Variants in PTPRF observed in about 807,000 individuals in gnomAD.
The protein encoded by PTPRF is protein tyrosine phosphatase receptor type F.
Under a neutral mutation model 201.8 loss-of-function variants are expected in PTPRF, and 59 were observed. The ratio of observed to expected loss-of-function variants is 0.29; its 90% CI spans 0.24 to 0.36. The LOEUF (loss-of-function observed/expected upper bound fraction) is 0.36. Among genes scored for constraint, PTPRF ranks in the 10% least tolerant of loss-of-function variants. The pLI is 1.00. For synonymous variants in PTPRF, 1,088 were observed against 1,089.7 expected, an observed-to-expected ratio of 1.00 and a Z score of 0.03; for missense variants, 2,132 against 2,690.5, an observed-to-expected ratio of 0.79 and a Z score of 4.59.
chr1:43,588,053 C>T lies in PTPRF; in HGVS notation c.680-678C>T, dbSNP rs965107142. Among the ~76,000 whole-genome samples the T allele has an allele frequency of 3.3e-5, 5 of 152,208 alleles. No homozygotes were observed. Among genetic ancestry groups the T allele is most frequent in the East Asian group, 1.9e-4 (1 of 5,196 alleles). ...CTGCCATCGTCATGCCCATCCTGCCCGCAGACCATGTCCCTGGCCTGCCCT... is the reference window on the plus strand; with the variant it reads ...CTGCCATCGTCATGCCCATCCTGCCTGCAGACCATGTCCCTGGCCTGCCCT... On this transcript the variant is annotated intron_variant, in intron 7 of 33. Coordinates refer to ENST00000359947, the MANE Select transcript of PTPRF (RefSeq NM_002840.5). The surrounding 1 kb of genome is among the most constrained non-coding windows in gnomAD (Gnocchi z 5.3).
Position 43,569,750 on chromosome 1 carries a change from C to T in PTPRF, c.540C>T (p.Ser180=), listed in dbSNP as rs1461087535. ...TCCTTCCTGTAGACCCTGCCACGAG[C>T]AACGGCCGCATCAAGCAGCTGCGTT... ...KDFLPVDPAT[S]NGRIKQLRSG... is the part of the protein sequence containing the mutation. The change falls in exon 6 of 34, where the codon AGC becomes AGT. Residue 180 remains serine, a synonymous_variant. Transcript: ENST00000359947. 1 of 1,612,732 alleles carries T rather than the reference C, an allele frequency of 6.2e-7. No individual in the cohort carries two copies. Among genetic ancestry groups the T allele is most frequent in the East Asian group, 2.2e-5 (1 of 44,868 alleles).
rs12078201 is a variant in PTPRF, at chr1:43,562,256, G to A, written c.380-7334G>A. On this transcript the variant is annotated intron_variant, in intron 5 of 33. Transcript: ENST00000359947. ...TCCGAGCAGCTGGGACTACAGGCAC[G>A]CGCCACCACACCTGACTAATTTTTT... Among the ~76,000 whole-genome samples, 1,379 of 152,078 alleles carry A rather than the reference G, an allele frequency of 9.1e-3. 19 individuals carry two copies. The highest frequency in any genetic ancestry group is 0.031 in the African/African-American group (1,268 of 41,470).
At chr1:43,585,076 T>C (rs10789437) in intron 7 of PTPRF, among the ~76,000 whole-genome samples, 1 of 152,116 alleles carries the variant, frequency 6.6e-6, no homozygotes, top group Non-Finnish European at 1.5e-5. Flanking sequence ...AACGGTAATA[T>C]ACTGGCATTG....
At chr1:43,567,969 A>G (rs540716366) in intron 5 of PTPRF, among the ~76,000 whole-genome samples, 90 of 152,224 alleles carry the variant, frequency 5.9e-4, no homozygotes, top group African/African-American at 2.0e-3. Context: ...TGGCATCCAC[A>G]CTGGGAGAGA....
At chr1:43,530,195 G>A (rs1643319199), upstream of PTPRF, among the ~76,000 whole-genome samples, 3 of 152,068 alleles carry the variant, frequency 2.0e-5, no homozygotes, top group Non-Finnish European at 4.4e-5. This position sits in a 1 kb window ranked among gnomAD's most constrained non-coding sequence, Gnocchi z 4.1. Flanking sequence ...CTCTGGAATT[G>A]AGAATCGAAT....
At chr1:43,612,591 C>T (rs1656709882) in intron 22 of PTPRF, among the ~76,000 whole-genome samples, 1 of 152,108 alleles carries the variant, frequency 6.6e-6, no homozygotes, top group African/African-American at 2.4e-5. Flanking sequence ...GGAGCCTTGA[C>T]GGAACTTGTC....
At chr1:43,548,844 T>C (rs1394751762) in intron 3 of PTPRF, among the ~76,000 whole-genome samples, 2 of 152,230 alleles carry the variant, frequency 1.3e-5, no homozygotes, top group East Asian at 1.9e-4. Context: ...TACATGTGTA[T>C]GTGTATTCCA....
In PTPRF at chr1:43,591,882, GC is replaced by G; in HGVS notation, c.1607del (p.Pro536LeufsTer24). The G allele has an allele frequency of 6.2e-7, 1 of 1,613,450 alleles. No homozygotes were observed. Among genetic ancestry groups the G allele is most frequent in the Non-Finnish European group, 8.5e-7 (1 of 1,180,020 alleles). On this transcript the variant is annotated frameshift_variant, in exon 10 of 34. Coordinates refer to ENST00000359947, the MANE Select transcript of PTPRF (RefSeq NM_002840.5). LOFTEE classifies it high-confidence loss of function. ...DTRIQLSWLL[P>X]PQERIIMYEL... ...CCAGGATCCAGCTCTCGTGGCTGCT[GC>G]CCCCTCAGGAGCGGATCATCATGTA...
In PTPRF at chr1:43,603,358, A is replaced by G; in HGVS notation, c.2341-58A>G. 2 of 1,498,856 alleles carry G rather than the reference A, an allele frequency of 1.3e-6. No individual in the cohort carries two copies. Among genetic ancestry groups the G allele is most frequent in the Non-Finnish European group, 1.9e-6 (2 of 1,075,630 alleles). The allele number at this position is 1,498,856 out of a possible 1,614,324, so 92.8% of individuals were successfully genotyped here. A position where few individuals can be genotyped will look rare whatever the true frequency, so the allele number is the denominator to read the frequency against. ...AGGCTAGGGTCCTGAGGTCCCTGAC[A>G]AGGTCTGGCCTCTCCCTGCATTCTT... is the stretch of plus-strand genomic sequence containing the variant. On this transcript the variant is annotated intron_variant, in intron 14 of 33. Transcript: ENST00000359947. The surrounding 1 kb of genome is among the most constrained non-coding windows in gnomAD (Gnocchi z 5.8).
At chr1:43,557,758 G>C (rs1044397278) in intron 5 of PTPRF, among the ~76,000 whole-genome samples, 4 of 152,156 alleles carry the variant, frequency 2.6e-5, no homozygotes, top group African/African-American at 9.7e-5. Context: ...AGAGTGTGGC[G>C]CAAGTACCCA....
At chr1:43,593,824 A>G (rs1382972425) in intron 11 of PTPRF, among the ~76,000 whole-genome samples, 1 of 151,484 alleles carries the variant, frequency 6.6e-6, no homozygotes, top group Non-Finnish European at 1.5e-5. Context: ...TGTCTTTACT[A>G]AAAATACAAA....
intron 11 of PTPRF, among the ~76,000 whole-genome samples, chr1:43,592,901 C>T (rs936398557): frequency 6.6e-6 from 1 of 152,192 alleles, no homozygotes; most frequent in Admixed American, 6.5e-5. Flanking sequence ...TCTCCGCCCC[C>T]ACTCTGTGCT....
intron 1 of PTPRF, among the ~76,000 whole-genome samples, chr1:43,534,542 G>T (rs1402189292): frequency 6.6e-6 from 1 of 152,174 alleles, no homozygotes; most frequent in East Asian, 1.9e-4. Context: ...CCTCGGAGTG[G>T]TTGAGCGGGC....
chr1:43,618,531 C>A, intron 25 of PTPRF, 99 bp from the exon 26 acceptor site: 1 of 1,451,106 alleles, frequency 6.9e-7, no homozygotes, highest in African/African-American at 1.4e-5. Flanking sequence ...GCTTTGTAGC[C>A]AGAAAGGCTA....
intron 21 of PTPRF, among the ~76,000 whole-genome samples, chr1:43,609,019 G>C: frequency 6.6e-6 from 1 of 152,154 alleles, no homozygotes; most frequent in East Asian, 1.9e-4. Flanking sequence ...TGTGTCATTT[G>C]CATGTTTGTT....
rs1456636426 is a variant in PTPRF, at chr1:43,553,760, G to A, written c.238-40G>A. ...CAACTGACCCTGAGCAGGCTCCTGTGTCCTGAGTAGGCTGTGACCCCATGT... is the reference window on the plus strand; with the variant it reads ...CAACTGACCCTGAGCAGGCTCCTGTATCCTGAGTAGGCTGTGACCCCATGT... On this transcript the variant is annotated intron_variant, in intron 4 of 33. Transcript: ENST00000359947. The surrounding 1 kb of genome is among the most constrained non-coding windows in gnomAD (Gnocchi z 4.1). 1 of 1,613,466 alleles carries A rather than the reference G, an allele frequency of 6.2e-7. No homozygotes were observed. Among genetic ancestry groups the A allele is most frequent in the Non-Finnish European group, 8.5e-7 (1 of 1,179,774 alleles).
chr1:43,534,830 T>C (rs535562626), intron 1 of PTPRF, among the ~76,000 whole-genome samples: 2 of 152,198 alleles, frequency 1.3e-5, no homozygotes, highest in South Asian at 4.1e-4. Context: ...ACTGCTAGGA[T>C]TGGACTCTGT....
rs1428168364 is a variant in PTPRF, at chr1:43,603,663, G to T, written c.2511G>T (p.Leu837=). The change falls in exon 16 of 34, where the codon CTG becomes CTT. Residue 837 remains leucine (L), a synonymous_variant. Coordinates refer to ENST00000359947, the MANE Select transcript of PTPRF (RefSeq NM_002840.5). This position sits in a 1 kb window ranked among gnomAD's most constrained non-coding sequence, Gnocchi z 5.8. ...GCACCACGGCCATGAACACTGCGCT[G>T]CTCCAGTGGCACCCACCCAAGGAAC... ...MISTTAMNTA[L]LQWHPPKELP... is the part of the protein sequence containing the mutation. 1.2e-6 allele frequency: 2 copies of T among 1,613,488 alleles called. No homozygotes were observed. The highest frequency in any genetic ancestry group is 1.7e-5 in the Admixed American group (1 of 59,982).
intron 23 of PTPRF, among the ~76,000 whole-genome samples, chr1:43,615,551 CTTTTTTTT>C (rs68193223): frequency 4.8e-5 from 4 of 84,162 alleles, no homozygotes; most frequent in Admixed American, 1.5e-4. Context: ...GCTCTGTTGT[CTTTTTTTT>C]TTTTTTTTTT....
Sources: allele counts gnomAD v4.1 joint callset (sites outside exome capture counted in the v4.1 genomes callset), GRCh38; gene constraint gnomAD v4.1.1; non-coding constraint Gnocchi (gnomAD v3.1); transcripts MANE v1.5; gene names NCBI Gene and HGNC (gene_info 2026-07-23, HGNC 2026-07-21).